Variants in NACC1 observed in about 807,000 individuals in gnomAD.
The protein encoded by NACC1 is nucleus accumbens associated 1.
In NACC1, 6 loss-of-function variants were observed where a neutral mutation model predicts 41.7. The ratio of observed to expected loss-of-function variants is 0.14; its 90% CI spans 0.08 to 0.28. The LOEUF (loss-of-function observed/expected upper bound fraction) is 0.28. Ranked by LOEUF, NACC1 falls within the 10% of genes least tolerant of loss-of-function variation. The pLI, the probability that NACC1 is intolerant of heterozygous loss-of-function variation, is 1.00. For missense variants in NACC1, 434 were observed against 763.7 expected, an observed-to-expected ratio of 0.57 and a Z score of 5.09; for synonymous variants, 338 against 330.6, an observed-to-expected ratio of 1.02 and a Z score of -0.24.
intron 1 of NACC1, among the ~76,000 whole-genome samples, chr19:13,121,102 A>T (rs542113452): frequency 6.6e-6 from 1 of 152,336 alleles, no homozygotes; most frequent in African/African-American, 2.4e-5. Context: ...AAGTGAAGTC[A>T]TTATGAGCCA....
intron 1 of NACC1, among the ~76,000 whole-genome samples, chr19:13,121,181 G>A (rs2159214): frequency 0.63 from 95,259 of 151,936 alleles, 30,730 homozygotes; most frequent in African/African-American, 0.75. Flanking sequence ...GAATAATAAT[G>A]TTAGCTAAGG....
chr19:13,130,539 T>TC (rs1357696541), intron 1 of NACC1, among the ~76,000 whole-genome samples: 2 of 148,002 alleles, frequency 1.4e-5, no homozygotes, highest in African/African-American at 2.5e-5. Flanking sequence ...TCTTTTCTTT[T>TC]TTTTTTTTTT....
chr19:13,124,996 C>A (rs1264098447), intron 1 of NACC1, among the ~76,000 whole-genome samples: 1 of 151,944 alleles, frequency 6.6e-6, no homozygotes, highest in Non-Finnish European at 1.5e-5. Flanking sequence ...CTCGTCTTTG[C>A]AAAAAATTGT....
intron 1 of NACC1, among the ~76,000 whole-genome samples, chr19:13,120,319 G>A (rs2019472669): frequency 6.6e-6 from 1 of 152,168 alleles, no homozygotes; most frequent in South Asian, 2.1e-4. Context: ...GACTGTTTTT[G>A]CCCCACTTTG....
intron 1 of NACC1, among the ~76,000 whole-genome samples, chr19:13,122,908 G>T (rs1045723659): frequency 6.6e-6 from 1 of 152,078 alleles, no homozygotes; most frequent in Non-Finnish European, 1.5e-5. Context: ...GGCGAGCGCC[G>T]ATCGGCCTGT....
In NACC1 at chr19:13,122,528, G is replaced by C. The variant is rs1038518053; in HGVS notation, c.-9+4074G>C. On this transcript the variant is annotated intron_variant, in intron 1 of 5. Transcript: ENST00000292431. ...ACATTTTTGGTTGCCCCTGCCGGGGGGGGGGGGGTGTGCTGCTGGCATCTA... is the reference window on the plus strand; with the variant it reads ...ACATTTTTGGTTGCCCCTGCCGGGGCGGGGGGGGTGTGCTGCTGGCATCTA... 2.7e-4 allele frequency among the ~76,000 whole-genome samples: 40 copies of C among 150,872 alleles called. 2 individuals are homozygous for C. Among genetic ancestry groups the C allele is most frequent in the Middle Eastern group, 3.4e-3 (1 of 292 alleles).
At chr19:13,133,537 T>C (rs905460878) in intron 1 of NACC1, among the ~76,000 whole-genome samples, 1 of 152,278 alleles carries the variant, frequency 6.6e-6, no homozygotes, top group East Asian at 1.9e-4. Context: ...GTGGTCCTTT[T>C]GTTTGGCCTC....
intron 1 of NACC1, among the ~76,000 whole-genome samples, chr19:13,123,182 A>G (rs973787987): frequency 6.6e-6 from 1 of 152,038 alleles, no homozygotes; most frequent in Non-Finnish European, 1.5e-5. Flanking sequence ...CACCAGGGTC[A>G]CCTCAGGGCC....
chr19:13,121,303 T>C (rs1241969354), intron 1 of NACC1, among the ~76,000 whole-genome samples: 1 of 152,084 alleles, frequency 6.6e-6, no homozygotes, highest in African/African-American at 2.4e-5. Context: ...TCTAAACATT[T>C]TGTCTTCATG....
chr19:13,137,352 G>A lies in NACC1; in HGVS notation c.1202G>A (p.Arg401Gln). The A allele has an allele frequency of 1.2e-6, 2 of 1,613,752 alleles. No homozygotes were observed. Among genetic ancestry groups the A allele is most frequent in the Non-Finnish European group, 1.7e-6 (2 of 1,179,910 alleles). Residue 401 changes from arginine (R) to glutamine (Q), a missense_variant, in exon 4 of 6, where the codon CGG becomes CAG. By Grantham distance (43) the Arg-to-Gln change is conservative. Transcript: ENST00000292431. The surrounding 1 kb of genome is among the most constrained non-coding windows in gnomAD (Gnocchi z 6.1). Reference protein sequence around the residue: ...AGTRHKVLLRRLLASFFDRNT... With the variant: ...AGTRHKVLLRQLLASFFDRNT... Reference sequence around the variant, plus strand: ...ACGCGGCACAAGGTCCTACTGCGGCGGCTCCTGGCCTCCTTCTTTGACCGG... The same window carrying A: ...ACGCGGCACAAGGTCCTACTGCGGCAGCTCCTGGCCTCCTTCTTTGACCGG...
In NACC1 at chr19:13,136,539, C is replaced by T. The variant is rs938293006; in HGVS notation, c.1120+134C>T. ...TGTGCTGTAGTGTTGGTAACAGCCA[C>T]CCTAAGGGTGGGGGCGTTGGTGAGA... On this transcript the variant is annotated intron_variant, in intron 3 of 5. Coordinates refer to ENST00000292431, the MANE Select transcript of NACC1 (RefSeq NM_052876.4). This position sits in a 1 kb window ranked among gnomAD's most constrained non-coding sequence, Gnocchi z 5.5. The T allele has an allele frequency of 1.0e-5, 11 of 1,075,524 alleles. No individual in the cohort carries two copies. Among genetic ancestry groups the T allele is most frequent in the African/African-American group, 1.6e-5 (1 of 62,668 alleles). 66.6% of individuals were successfully genotyped at this position (1,075,524 alleles called of 1,614,324 possible). A position where few individuals can be genotyped will look rare whatever the true frequency, so the allele number is the denominator to read the frequency against.
Position 13,136,448 on chromosome 19 carries a change from G to A in NACC1, c.1120+43G>A. ...CAGATCTCTCCCCTCCGCAGCTTTG[G>A]AGCCGGCTGGCCTGGGCTGGGCTGG... On this transcript the variant is annotated intron_variant, in intron 3 of 5. Coordinates refer to ENST00000292431, the MANE Select transcript of NACC1 (RefSeq NM_052876.4). The surrounding 1 kb of genome is among the most constrained non-coding windows in gnomAD (Gnocchi z 5.5). The A allele has an allele frequency of 6.4e-7, 1 of 1,572,528 alleles. No individual in the cohort carries two copies.
At chr19:13,119,752 A>T (rs542724974) in intron 1 of NACC1, among the ~76,000 whole-genome samples, 1 of 152,192 alleles carries the variant, frequency 6.6e-6, no homozygotes, top group Non-Finnish European at 1.5e-5. Flanking sequence ...AAGGGGATCA[A>T]ATCAGGCACT....
intron 1 of NACC1, among the ~76,000 whole-genome samples, chr19:13,121,795 C>T (rs1164943384): frequency 6.6e-6 from 1 of 152,134 alleles, no homozygotes. Context: ...CCTCGTTTCT[C>T]CTCCTAGGTT....
In NACC1 at chr19:13,138,664, A is replaced by G. The variant is rs964428741; in HGVS notation, c.*258A>G. On this transcript the variant is annotated 3_prime_UTR_variant, in exon 6 of 6. Coordinates refer to ENST00000292431, the MANE Select transcript of NACC1 (RefSeq NM_052876.4). This position sits in a 1 kb window ranked among gnomAD's most constrained non-coding sequence, Gnocchi z 5.7. ...GCAGTGGGGGAGTTCTGGCTCCCCAACCTAACCCCTAGCCGTCATCTCCAC... is the reference window on the plus strand; with the variant it reads ...GCAGTGGGGGAGTTCTGGCTCCCCAGCCTAACCCCTAGCCGTCATCTCCAC... The G allele has an allele frequency of 1.6e-5, 9 of 545,918 alleles. No homozygotes were observed. Among genetic ancestry groups the G allele is most frequent in the South Asian group, 4.1e-5 (2 of 48,500 alleles). The allele number at this position is 545,918 out of a possible 1,614,324, so 33.8% of individuals were successfully genotyped here.
Position 13,138,372 on chromosome 19 carries a change from G to T in NACC1, c.1550G>T (p.Gly517Val), listed in dbSNP as rs747370000. ...GGCTTCGAGACCGCCAGCCACGAGG[G>T]CGAGGCGGGTCCCTCGGCTGAAGCC... Reference protein sequence around the residue: ...EHGFETASHEGEAGPSAEALQ With the variant: ...EHGFETASHEVEAGPSAEALQ Residue 517 changes from glycine to valine, a missense_variant, in exon 6 of 6, where the codon GGC becomes GTC. Around this residue, in one of 4 missense-constraint regions of NACC1, gnomAD observed 63 missense variants for 68.4 expected, o/e 0.92. Transcript: ENST00000292431. The surrounding 1 kb of genome is among the most constrained non-coding windows in gnomAD (Gnocchi z 5.7). The T allele has an allele frequency of 6.2e-7, 1 of 1,613,050 alleles. No individual in the cohort carries two copies. The highest frequency in any genetic ancestry group is 8.5e-7 in the Non-Finnish European group (1 of 1,179,974).
Position 13,137,302 on chromosome 19 carries a change from G to A in NACC1, c.1152G>A (p.Leu384=), listed in dbSNP as rs1301892919. 6.2e-7 allele frequency: 1 copy of A among 1,613,950 alleles called. No homozygotes were observed. The highest frequency in any genetic ancestry group is 1.7e-5 in the Admixed American group (1 of 60,024). The change falls in exon 4 of 6, where the codon CTG becomes CTA. Residue 384 remains leucine (L), a synonymous_variant. Transcript: ENST00000292431. This position sits in a 1 kb window ranked among gnomAD's most constrained non-coding sequence, Gnocchi z 6.1. ...ACGTGTACATCACAAGGGCGCAGCTGATGAACTGCCACGTCAGCGCAGGCA... is the reference window on the plus strand; with the variant it reads ...ACGTGTACATCACAAGGGCGCAGCTAATGAACTGCCACGTCAGCGCAGGCA... ...GTNVYITRAQ[L]MNCHVSAGTR...
chr19:13,128,169 G>A (rs2145617047), intron 1 of NACC1, among the ~76,000 whole-genome samples: 1 of 152,280 alleles, frequency 6.6e-6, no homozygotes, highest in Middle Eastern at 3.4e-3. Flanking sequence ...TGCGAGTCTG[G>A]CATTCACAGG....
At chr19:13,129,916 TA>T (rs34106415) in intron 1 of NACC1, among the ~76,000 whole-genome samples, 98 of 146,704 alleles carry the variant, frequency 6.7e-4, no homozygotes, top group Admixed American at 1.0e-3. Flanking sequence ...ACCCTGTCTT[TA>T]AAAAAAAAAA....
Sources: allele counts gnomAD v4.1 joint callset (sites outside exome capture counted in the v4.1 genomes callset), GRCh38; gene constraint gnomAD v4.1.1; regional missense constraint gnomAD v4.1.1; non-coding constraint Gnocchi (gnomAD v3.1); transcripts MANE v1.5; gene names NCBI Gene and HGNC (gene_info 2026-07-23, HGNC 2026-07-21).